PLAC1: variants seen among roughly 807,000 people sequenced by gnomAD.
PLAC1 encodes the protein placenta-specific protein 1.
For missense variants in PLAC1, 136 were observed against 163.2 expected (o/e 0.83, Z 0.91); for synonymous variants, 68 against 62.1 (o/e 1.09, Z -0.44).
intron 2 of PLAC1, among the ~76,000 whole-genome samples, chrX:134,712,466 A>T (rs993320273): frequency 1.1e-4 from 12 of 111,570 alleles, no homozygotes; most frequent in African/African-American, 3.9e-4. Context: ...TCAACATGCA[A>T]CACAGCCAGT....
intron 2 of PLAC1, among the ~76,000 whole-genome samples, chrX:134,570,231 C>T (rs755227780): frequency 9.0e-6 from 1 of 111,031 alleles, no homozygotes; most frequent in Non-Finnish European, 1.9e-5. Context: ...AATGGGATCC[C>T]GAACAAGGGA....
intron 1 of PLAC1, among the ~76,000 whole-genome samples, chrX:134,653,355 A>G (rs2078373697): frequency 8.9e-6 from 1 of 112,556 alleles, no homozygotes; most frequent in East Asian, 2.8e-4. Flanking sequence ...TTTGGTTTTT[A>G]ACCTTAAGTG....
chrX:134,705,021 T>TACACACAC (rs1556156722), intron 2 of PLAC1, among the ~76,000 whole-genome samples: 8 of 98,337 alleles, frequency 8.1e-5, no homozygotes, highest in African/African-American at 2.7e-4. Flanking sequence ...TATATATATA[T>TACACACAC]ACACACACAC....
intron 2 of PLAC1, among the ~76,000 whole-genome samples, chrX:134,575,004 C>T (rs745807229): frequency 9.0e-6 from 1 of 111,542 alleles, no homozygotes; most frequent in South Asian, 3.8e-4. Flanking sequence ...CAGTTCCATA[C>T]ACAGATACAG....
At chrX:134,753,270 G>A (rs1205474479) in intron 1 of PLAC1, among the ~76,000 whole-genome samples, 1 of 111,156 alleles carries the variant, frequency 9.0e-6, no homozygotes, top group Non-Finnish European at 1.9e-5. Context: ...TTGGTAAAAT[G>A]AGCCACTGCA....
chrX:134,716,812 C>T (rs762108859), intron 2 of PLAC1, among the ~76,000 whole-genome samples: 17 of 112,331 alleles, frequency 1.5e-4, no homozygotes, highest in South Asian at 7.4e-4. Flanking sequence ...GTCAAACAGA[C>T]GGGAATTCCA....
At chrX:134,680,782 T>C (rs1181487080) in intron 2 of PLAC1, among the ~76,000 whole-genome samples, 3 of 111,845 alleles carry the variant, frequency 2.7e-5, no homozygotes, top group African/African-American at 9.8e-5. Context: ...CACTTTTAAT[T>C]AGAGCAGGGC....
chrX:134,656,707 C>T (rs2147802740), intron 1 of PLAC1, among the ~76,000 whole-genome samples: 1 of 111,383 alleles, frequency 9.0e-6, no homozygotes, highest in East Asian at 2.8e-4. Context: ...ATCTCAGCCT[C>T]CTGAGTAGCT....
Position 134,750,812 on chromosome X carries a change from A to AAT in PLAC1, n.89+13420_89+13421dup, listed in dbSNP as rs1244215206. Among the ~76,000 whole-genome samples the AAT allele has an allele frequency of 1.7e-4, 9 of 51,975 alleles. 1 individual carries two copies. The highest frequency in any genetic ancestry group is 5.1e-4 in the East Asian group (1 of 1,972). 45.1% of individuals were successfully genotyped at this position (51,975 alleles called of 115,157 possible). Reference sequence around the variant, plus strand: ...TCTCTAATAAAAATACAAAAAAAAAAATATATATATATATATATATATTTA... The same window carrying AAT: ...TCTCTAATAAAAATACAAAAAAAAAAATATATATATATATATATATATATTTA... On this transcript the variant is annotated intron_variant and non_coding_transcript_variant, in intron 1 of 2. Transcript: ENST00000466797.
At chrX:134,743,108 C>T (rs992665519) in intron 1 of PLAC1, among the ~76,000 whole-genome samples, 2 of 111,228 alleles carry the variant, frequency 1.8e-5, no homozygotes, top group Non-Finnish European at 3.8e-5. Flanking sequence ...TGTGAAATTA[C>T]AGGACAAAGA....
intron 1 of PLAC1, among the ~76,000 whole-genome samples, chrX:134,623,813 C>T (rs995884047): frequency 8.9e-6 from 1 of 111,998 alleles, no homozygotes; most frequent in East Asian, 2.8e-4. Context: ...GAAGCTTCCT[C>T]GTGCAGAGCT....
intron 2 of PLAC1, among the ~76,000 whole-genome samples, chrX:134,710,078 T>C (rs2078623351): frequency 9.0e-6 from 1 of 110,974 alleles, no homozygotes; most frequent in Admixed American, 9.6e-5. Flanking sequence ...TTGCCACACA[T>C]GTAATTGAAA....
intron 1 of PLAC1, among the ~76,000 whole-genome samples, chrX:134,623,320 A>AGAGG (rs752922830): frequency 2.8e-4 from 31 of 112,223 alleles, no homozygotes; most frequent in Non-Finnish European, 3.0e-4. Context: ...CTTGGACACA[A>AGAGG]GAGGGAGGAT....
At chrX:134,730,895 G>C (rs1264416711) in intron 2 of PLAC1, among the ~76,000 whole-genome samples, 1 of 111,515 alleles carries the variant, frequency 9.0e-6, no homozygotes, top group Non-Finnish European at 1.9e-5. Context: ...TGGGGGAAGT[G>C]CTGTTGCCTG....
chrX:134,727,915 A>G (rs1187817888), intron 2 of PLAC1, among the ~76,000 whole-genome samples: 1 of 112,487 alleles, frequency 8.9e-6, no homozygotes, highest in Non-Finnish European at 1.9e-5. Flanking sequence ...TGAGAGTGAT[A>G]TCTCAATAAA....
chrX:134,749,827 T>C (rs1382762170), intron 1 of PLAC1, among the ~76,000 whole-genome samples: 2 of 111,671 alleles, frequency 1.8e-5, no homozygotes, highest in Non-Finnish European at 3.8e-5. Context: ...AGAGTGTTAG[T>C]TAAATAGCAA....
chrX:134,615,988 A>AT (rs746329056), intron 1 of PLAC1, among the ~76,000 whole-genome samples: 3 of 109,637 alleles, frequency 2.7e-5, no homozygotes, highest in South Asian at 4.0e-4. Context: ...TTTTAATATA[A>AT]TTTTTTTTAA....
At chrX:134,730,777 T>C (rs896888914) in intron 2 of PLAC1, among the ~76,000 whole-genome samples, 3 of 111,269 alleles carry the variant, frequency 2.7e-5, no homozygotes, top group Non-Finnish European at 3.8e-5. Context: ...AATACTGTTA[T>C]TGCTTCCTGG....
intron 2 of PLAC1, among the ~76,000 whole-genome samples, chrX:134,692,820 G>A (rs892312417): frequency 9.0e-6 from 1 of 111,279 alleles, no homozygotes; most frequent in South Asian, 3.8e-4. Flanking sequence ...CCCCCCACAC[G>A]CACAACTCAG....
Sources: gnomAD v4.1 joint callset for allele counts (sites outside exome capture counted in the v4.1 genomes callset) on GRCh38, gnomAD v4.1.1 for gene constraint, MANE v1.5 for transcripts, NCBI Gene and HGNC (gene_info 2026-07-23, HGNC 2026-07-21) for gene names.